The following DZANK1 variants were observed in gnomAD, a reference collection of about 807,000 sequenced individuals.
DZANK1 encodes the protein double zinc ribbon and ankyrin repeat domains 1.
DZANK1 carries 91 observed loss-of-function variants against 94.5 expected under a neutral mutation model. That is an observed-to-expected ratio of 0.96 (90% confidence interval 0.81 to 1.15). The LOEUF (loss-of-function observed/expected upper bound fraction) is 1.15, where lower values mean the gene tolerates loss of function less well. Ranked by LOEUF, DZANK1 falls within the 50% of genes most tolerant of loss-of-function variation. The probability of loss-of-function intolerance (pLI) is 0.00; values close to 1 mark genes in which losing one functional copy is unlikely to be tolerated. For missense variants in DZANK1, 903 were observed against 916.4 expected (o/e 0.99, Z 0.19); for synonymous variants, 312 against 325.3 (o/e 0.96, Z 0.44).
intron 6 of DZANK1, among the ~76,000 whole-genome samples, chr20:18,449,302 A>G (rs1340529251): frequency 6.6e-6 from 1 of 152,176 alleles, no homozygotes; most frequent in African/African-American, 2.4e-5. Flanking sequence ...GTACCCTAGA[A>G]GCCCAAACCT....
At chr20:18,460,162 G>A in exon 3 of DZANK1, 2 of 1,540,606 alleles carry the variant, frequency 1.3e-6, no homozygotes, top group East Asian at 2.3e-5. Context: ...CTTAGAGACA[G>A]CAATAGCTTT....
intron 2 of DZANK1, among the ~76,000 whole-genome samples, chr20:18,460,728 CAAA>C (rs751139958): frequency 8.5e-6 from 1 of 118,318 alleles, no homozygotes; most frequent in African/African-American, 3.2e-5. Flanking sequence ...GACTCCGTCT[CAAA>C]AAAAAAAAAA....
chr20:18,433,541 C>CAA (rs112253557), intron 9 of DZANK1, 111 bp downstream of exon 9: 2,006 of 765,394 alleles, frequency 2.6e-3, no homozygotes, highest in Non-Finnish European at 3.1e-3. Flanking sequence ...GATTCTGTCT[C>CAA]AAAAAAAAAA....
rs765123667 is a variant in DZANK1, at chr20:18,414,341, G to A, written c.1242+7C>T. On this transcript the variant is annotated splice_region_variant and intron_variant, in intron 12 of 20. Transcript: ENST00000262547. Reference sequence around the variant, plus strand: ...GGTACCAGTTCTTACTACAGGGGAGGCCTCACCTCAGAAAAAGGGCGAGGT... The same window carrying A: ...GGTACCAGTTCTTACTACAGGGGAGACCTCACCTCAGAAAAAGGGCGAGGT... 6.2e-7 allele frequency: 1 copy of A among 1,613,540 alleles called. No individual in the cohort carries two copies. The highest frequency in any genetic ancestry group is 8.5e-7 in the Non-Finnish European group (1 of 1,179,840).
At chr20:18,438,993 A>C (rs1301757424) in intron 8 of DZANK1, among the ~76,000 whole-genome samples, 1 of 152,226 alleles carries the variant, frequency 6.6e-6, no homozygotes, top group Non-Finnish European at 1.5e-5. Context: ...AATTTTGGCC[A>C]AGACACAAAG....
At chr20:18,401,545 T>C (rs1441960663) in intron 13 of DZANK1, among the ~76,000 whole-genome samples, 4 of 152,232 alleles carry the variant, frequency 2.6e-5, no homozygotes, top group African/African-American at 9.6e-5. Context: ...TGGTGTCAGT[T>C]GAGCCATCTC....
At chr20:18,421,989 A>G (rs1313115414) in intron 10 of DZANK1, among the ~76,000 whole-genome samples, 1 of 151,966 alleles carries the variant, frequency 6.6e-6, no homozygotes, top group Non-Finnish European at 1.5e-5. Context: ...GTTTGAACAT[A>G]TTTTCTTCCA....
intron 2 of DZANK1, among the ~76,000 whole-genome samples, chr20:18,464,987 T>C (rs1324178831): frequency 6.6e-6 from 1 of 152,154 alleles, no homozygotes; most frequent in East Asian, 1.9e-4. Context: ...CACCGGGACA[T>C]CTTACCTTGG....
chr20:18,397,555 C>T (rs569390837), intron 14 of DZANK1, among the ~76,000 whole-genome samples: 104 of 152,316 alleles, frequency 6.8e-4, no homozygotes, highest in African/African-American at 2.3e-3. Context: ...AAGGCTTCTT[C>T]TGACTATCAA....
intron 9 of DZANK1, among the ~76,000 whole-genome samples, chr20:18,427,804 G>T (rs997062867): frequency 1.3e-5 from 2 of 152,082 alleles, no homozygotes; most frequent in African/African-American, 2.4e-5. Flanking sequence ...ATGAATTTAG[G>T]TTTGCTCTGT....
chr20:18,406,800 G>C (rs117469072), intron 13 of DZANK1, among the ~76,000 whole-genome samples: 1,646 of 152,310 alleles, frequency 0.011, 16 homozygotes, highest in Middle Eastern at 0.027. Context: ...TCTGCTCTGG[G>C]CCAGAGGGGA....
At chr20:18,400,400 C>T (rs1365880109) in intron 13 of DZANK1, among the ~76,000 whole-genome samples, 2 of 152,178 alleles carry the variant, frequency 1.3e-5, no homozygotes, top group Non-Finnish European at 2.9e-5. Context: ...GGATCTGCTC[C>T]CCGGCTCCCT....
At position 18,465,247 on chromosome 20, in the gene DZANK1, T is replaced by C. The variant is rs2059603980; in HGVS notation, c.109+3A>G. On this transcript the variant is annotated splice_donor_region_variant and intron_variant, in intron 2 of 20. Coordinates refer to ENST00000262547, the Ensembl canonical transcript of DZANK1. ...AACAATTTCAAACATATGTGATTCT[T>C]ACCTGATTTCATTTCCAAAAGCGTA... 6.4e-7 allele frequency: 1 copy of C among 1,554,846 alleles called. No individual in the cohort carries two copies. The highest frequency in any genetic ancestry group is 1.8e-5 in the Admixed American group (1 of 55,436).
chr20:18,452,222 C>T (rs76979589), intron 6 of DZANK1, among the ~76,000 whole-genome samples: 2,208 of 152,186 alleles, frequency 0.015, 33 homozygotes, highest in African/African-American at 0.024. Flanking sequence ...TACTCTGGCC[C>T]CAGCCACCTT....
chr20:18,459,743 T>C (rs1411598863), intron 3 of DZANK1, among the ~76,000 whole-genome samples: 5 of 152,064 alleles, frequency 3.3e-5, no homozygotes, highest in Non-Finnish European at 7.4e-5. Flanking sequence ...ATTAAGTCGA[T>C]ACAAAACGAA....
intron 13 of DZANK1, among the ~76,000 whole-genome samples, chr20:18,405,480 G>C (rs1264323047): frequency 6.6e-6 from 1 of 152,152 alleles, no homozygotes; most frequent in Non-Finnish European, 1.5e-5. Flanking sequence ...TATTGAGCAT[G>C]CCAACATCTA....
chr20:18,444,078 G>A (rs2058797421), intron 7 of DZANK1, among the ~76,000 whole-genome samples: 1 of 152,112 alleles, frequency 6.6e-6, no homozygotes. Flanking sequence ...TTCCTTTCCT[G>A]CTACTGCCAT....
chr20:18,423,511 C>T (rs2057891748), intron 10 of DZANK1, among the ~76,000 whole-genome samples: 1 of 152,154 alleles, frequency 6.6e-6, no homozygotes. Context: ...GAATACGCAA[C>T]AATGACAGAA....
At chr20:18,398,575 G>C in exon 14 of DZANK1, 1 of 1,614,008 alleles carries the variant, frequency 6.2e-7, no homozygotes, top group Non-Finnish European at 8.5e-7. Context: ...GTTGTTCTGA[G>C]CATAACACCT....
Sources: allele counts gnomAD v4.1 joint callset (sites outside exome capture counted in the v4.1 genomes callset), GRCh38; gene constraint gnomAD v4.1.1; transcripts MANE v1.5; gene names NCBI Gene and HGNC (gene_info 2026-07-23, HGNC 2026-07-21).